The following UNC13C variants were observed in gnomAD, a reference collection of about 807,000 sequenced individuals.
The protein encoded by UNC13C is unc-13 homolog C.
Under a neutral mutation model 245.4 loss-of-function variants are expected in UNC13C, and 174 were observed. The ratio of observed to expected loss-of-function variants is 0.71; its 90% CI spans 0.63 to 0.80. The LOEUF is 0.80. Among genes scored for constraint, UNC13C ranks in the 30% least tolerant of loss-of-function variants. UNC13C has a pLI of 0.00. For synonymous variants in UNC13C, 992 were observed against 895.1 expected (o/e 1.11, Z -1.93); for missense variants, 2,829 against 2,602.9 (o/e 1.09, Z -1.89).
In UNC13C at chr15:54,194,205, GT is replaced by G. The variant is rs149407706; in HGVS notation, c.3072-40822del. ...ATGACCCAAGTTAGACGGGGTGATA[GT>G]TTAGACTAGAGCAGTGATATGTACT... On this transcript the variant is annotated intron_variant, in intron 4 of 32. Transcript: ENST00000260323. 7.0e-3 allele frequency among the ~76,000 whole-genome samples: 1,071 copies of G among 152,262 alleles called. 7 individuals carry two copies. The highest frequency in any genetic ancestry group is 0.012 in the Non-Finnish European group (797 of 68,008).
upstream of UNC13C, among the ~76,000 whole-genome samples, chr15:53,976,475 C>CTTTTTTTTTTTTTTTTTTTTTTTT (rs879775519): frequency 4.7e-5 from 3 of 63,740 alleles, no homozygotes; most frequent in Non-Finnish European, 9.4e-5. Context: ...CTCTCTCTCT[C>CTTTTTTTTTTTTTTTTTTTTTTTT]TCTTTTTTTT....
chr15:54,593,158 G>A (rs938767986), intron 30 of UNC13C, among the ~76,000 whole-genome samples: 2 of 152,132 alleles, frequency 1.3e-5, no homozygotes, highest in Non-Finnish European at 2.9e-5. Context: ...AGCTTGTAGG[G>A]TTTCTGTTGC....
intron 2 of UNC13C, among the ~76,000 whole-genome samples, chr15:54,138,953 A>ATTTTTTTTT (rs56255946): frequency 0.14 from 6,634 of 48,132 alleles, 2,259 homozygotes; most frequent in Non-Finnish European, 0.18. Context: ...ATTTCCCCTA[A>ATTTTTTTTT]TTTTTTTTTT....
chr15:54,442,555 T>A (rs1890588979), intron 19 of UNC13C, among the ~76,000 whole-genome samples: 1 of 152,060 alleles, frequency 6.6e-6, no homozygotes, highest in African/African-American at 2.4e-5. Flanking sequence ...TCAGACTTCC[T>A]CACCCAGTAT....
chr15:53,960,930 G>A, the UNC13C span, among the ~76,000 whole-genome samples: 8 of 152,156 alleles, frequency 5.3e-5, no homozygotes, highest in Middle Eastern at 3.2e-3. Context: ...CTTAGGTAAT[G>A]GATGAGTTAT....
intron 2 of UNC13C, among the ~76,000 whole-genome samples, chr15:54,091,747 T>C (rs1293582541): frequency 7.3e-6 from 1 of 137,686 alleles, no homozygotes; most frequent in East Asian, 2.1e-4. Flanking sequence ...TTATCTCTTA[T>C]AGTTTTTCAA....
intron 18 of UNC13C, among the ~76,000 whole-genome samples, chr15:54,405,898 G>GA (rs1163518549): frequency 6.6e-6 from 1 of 152,068 alleles, no homozygotes; most frequent in Non-Finnish European, 1.5e-5. Context: ...AGTATGGAGA[G>GA]AAAAAATTAT....
At chr15:54,526,709 A>C (rs1895479919) in intron 25 of UNC13C, among the ~76,000 whole-genome samples, 2 of 140,080 alleles carry the variant, frequency 1.4e-5, no homozygotes. Context: ...GCACCACTGC[A>C]CTCCAGCCTG....
chr15:54,474,723 A>G (rs1326678443), intron 19 of UNC13C, among the ~76,000 whole-genome samples: 2 of 151,752 alleles, frequency 1.3e-5, no homozygotes, highest in African/African-American at 4.8e-5. Flanking sequence ...TTGCACTGGT[A>G]TAAGGAATAC....
At chr15:53,882,128 A>T in the UNC13C span, among the ~76,000 whole-genome samples, 1 of 152,218 alleles carries the variant, frequency 6.6e-6, no homozygotes, top group African/African-American at 2.4e-5. Context: ...AGGAGAGTGC[A>T]GTTTAAGGTA....
chr15:54,404,178 C>A (rs1285025497), intron 18 of UNC13C, among the ~76,000 whole-genome samples: 1 of 152,162 alleles, frequency 6.6e-6, no homozygotes, highest in Non-Finnish European at 1.5e-5. Context: ...ACACGACAGG[C>A]AGTTACAGAG....
chr15:54,234,863 A>C (rs1235219188), intron 4 of UNC13C, among the ~76,000 whole-genome samples, 167 bp from the exon 5 acceptor site: 1 of 151,980 alleles, frequency 6.6e-6, no homozygotes, highest in African/African-American at 2.4e-5. Context: ...TTTTTTCCTC[A>C]CTCAACAAAG....
intron 19 of UNC13C, among the ~76,000 whole-genome samples, chr15:54,448,467 G>A (rs907220732): frequency 6.6e-6 from 1 of 152,156 alleles, no homozygotes; most frequent in Non-Finnish European, 1.5e-5. Context: ...CCTGTATTGG[G>A]TGCATATATA....
chr15:54,077,852 A>G lies in UNC13C; in HGVS notation c.2983+61966A>G, dbSNP rs545681482. 1.6e-4 allele frequency among the ~76,000 whole-genome samples: 24 copies of G among 152,278 alleles called. 1 individual carries two copies. In the South Asian group the frequency reaches 4.8e-3, roughly 30 times the overall value. ...AAATTTTATTACAGATTTAGGGGGT[A>G]CTTGTGCAGATTTGTTACGTGAGTA... is the stretch of plus-strand genomic sequence containing the variant. On this transcript the variant is annotated intron_variant, in intron 2 of 32. Transcript: ENST00000260323.
At chr15:54,444,336 A>G (rs1331762592) in intron 19 of UNC13C, among the ~76,000 whole-genome samples, 2 of 151,026 alleles carry the variant, frequency 1.3e-5, no homozygotes, top group African/African-American at 4.9e-5. Context: ...TATGTCATAT[A>G]TAGTCATGTA....
chr15:54,293,803 C>G, intron 10 of UNC13C, 92 bp from the exon 11 acceptor site: 2 of 1,107,724 alleles, frequency 1.8e-6, no homozygotes, highest in Non-Finnish European at 2.4e-6. Flanking sequence ...TATATTATGC[C>G]TTTCTAGAAT....
intron 14 of UNC13C, among the ~76,000 whole-genome samples, chr15:54,330,178 A>T (rs1001426922): frequency 1.3e-5 from 2 of 152,078 alleles, no homozygotes; most frequent in African/African-American, 4.8e-5. Context: ...AAAAGTCTGA[A>T]TGCTATACCT....
At chr15:54,489,922 A>C (rs983140782) in intron 19 of UNC13C, among the ~76,000 whole-genome samples, 1 of 152,216 alleles carries the variant, frequency 6.6e-6, no homozygotes, top group African/African-American at 2.4e-5. Context: ...ATATATTGAA[A>C]ATCTTTTATT....
At chr15:54,447,717 A>G (rs1245093916) in intron 19 of UNC13C, among the ~76,000 whole-genome samples, 2 of 152,156 alleles carry the variant, frequency 1.3e-5, no homozygotes, top group African/African-American at 4.8e-5. Context: ...TCTTTTCAAA[A>G]AAACCAGCTC....
Sources: allele counts gnomAD v4.1 joint callset (sites outside exome capture counted in the v4.1 genomes callset), GRCh38; gene constraint gnomAD v4.1.1; transcripts MANE v1.5; gene names NCBI Gene and HGNC (gene_info 2026-07-23, HGNC 2026-07-21).